KALRN: variants seen among roughly 807,000 people sequenced by gnomAD.
KALRN encodes kalirin RhoGEF kinase.
Under a neutral mutation model 353.7 loss-of-function variants are expected in KALRN, and 70 were observed. The observed-to-expected ratio is 0.20, with a 90% CI of 0.16 to 0.24. KALRN has a LOEUF of 0.24. KALRN is among the 10% of genes least tolerant of loss of function. KALRN has a pLI of 1.00. For synonymous variants in KALRN, 1,391 were observed against 1,434.8 expected (o/e 0.97, Z 0.69); for missense variants, 2,791 against 3,756.7 (o/e 0.74, Z 6.72).
intron 33 of KALRN, among the ~76,000 whole-genome samples, chr3:124,520,989 T>A (rs2067115830): frequency 6.6e-6 from 1 of 152,224 alleles, no homozygotes; most frequent in Non-Finnish European, 1.5e-5. Flanking sequence ...ATGGCCCAGG[T>A]GCCCAGCCTG....
intron 33 of KALRN, among the ~76,000 whole-genome samples, chr3:124,535,405 C>T (rs564080018): frequency 1.3e-5 from 2 of 152,230 alleles, no homozygotes; most frequent in South Asian, 4.2e-4. Context: ...ACCAGCTATA[C>T]TTAAGTTTTC....
chr3:124,293,055 G>T (rs536244804), intron 5 of KALRN, among the ~76,000 whole-genome samples: 5 of 152,154 alleles, frequency 3.3e-5, no homozygotes, highest in Non-Finnish European at 7.3e-5. Flanking sequence ...TTGACTGGGC[G>T]GCTAGTTTCC....
chr3:124,422,653 G>A (rs1055738791), intron 14 of KALRN, among the ~76,000 whole-genome samples, 159 bp from the exon 15 acceptor site: 4 of 152,164 alleles, frequency 2.6e-5, no homozygotes, highest in Middle Eastern at 3.2e-3. Flanking sequence ...CCCAAACAAG[G>A]GCGCATTGTG....
At chr3:124,238,899 A>G (rs781647832) in intron 3 of KALRN, among the ~76,000 whole-genome samples, 8 of 152,260 alleles carry the variant, frequency 5.3e-5, no homozygotes, top group Non-Finnish European at 1.0e-4. Context: ...CAGGTTTTCC[A>G]TCATCTTATT....
At position 124,455,367 on chromosome 3, in the gene KALRN, G is replaced by T; in HGVS notation, c.3735+8G>T. 6.2e-7 allele frequency: 1 copy of T among 1,613,202 alleles called. No individual in the cohort carries two copies. The highest frequency in any genetic ancestry group is 8.5e-7 in the Non-Finnish European group (1 of 1,179,370). ...CTAGGAGTCAACACAGAGGTAGGCA[G>T]GGGTATTGTCCTCTGGGACATCCTC... On this transcript the variant is annotated splice_region_variant and intron_variant, in intron 22 of 59. Coordinates refer to ENST00000682506, the MANE Select transcript of KALRN (RefSeq NM_001388419.1).
chr3:124,298,893 C>A lies in KALRN; in HGVS notation c.1072C>A (p.His358Asn). ...CCTTGACCTCCAGACGCAGCACAAT[C>A]ACTTTGCCATGAACTCCATGGTGAG... is the stretch of plus-strand genomic sequence containing the variant. ...YALDLQTQHN[H>N]FAMNSMNAYV... The change falls in exon 6 of 60, where the codon CAC (histidine) becomes AAC (asparagine). Residue 358 changes from histidine (H) to asparagine (N), a missense_variant. His to Asn is a moderately conservative substitution (Grantham distance 68). Coordinates refer to ENST00000682506, the MANE Select transcript of KALRN (RefSeq NM_001388419.1). 1 of 1,614,170 alleles carries A rather than the reference C, an allele frequency of 6.2e-7. No individual in the cohort carries two copies. Among genetic ancestry groups the A allele is most frequent in the Non-Finnish European group, 8.5e-7 (1 of 1,180,016 alleles).
rs1261974224 is a variant in KALRN, at chr3:124,628,491, CCCTTCCCTT to C, written c.5183-3906_5183-3898del. ...CTTCCTTCCCTTCCTTCCCTTCCCT[CCCTTCCCTT>C]CCTTCCCTTCCTTCCCTTCCTTTCC... On this transcript the variant is annotated intron_variant, in intron 34 of 59. Coordinates refer to ENST00000682506, the MANE Select transcript of KALRN (RefSeq NM_001388419.1). 1.0e-3 allele frequency among the ~76,000 whole-genome samples: 108 copies of C among 107,296 alleles called. 1 individual carries two copies. In the East Asian group the frequency reaches 0.018, roughly 18 times the overall value. The allele number at this position is 107,296 out of a possible 152,430, so 70.4% of individuals were successfully genotyped here.
chr3:124,259,144 GC>G (rs1344720457), intron 3 of KALRN, among the ~76,000 whole-genome samples: 1 of 152,214 alleles, frequency 6.6e-6, no homozygotes, highest in Non-Finnish European at 1.5e-5. Context: ...TCTAGCTGGA[GC>G]CTTCTGGGGA....
intron 20 of KALRN, 37 bp downstream of exon 20, chr3:124,446,313 G>C (rs1216517997): frequency 2.0e-6 from 3 of 1,489,868 alleles, no homozygotes; most frequent in Admixed American, 3.4e-5. Context: ...TCTCAGTTCT[G>C]GGGAGCATAC....
Position 124,719,645 on chromosome 3 carries a change from AC to A in KALRN, c.*178del. 1 of 632,158 alleles carries A rather than the reference AC, an allele frequency of 1.6e-6. No homozygotes were observed. Among genetic ancestry groups the A allele is most frequent in the Non-Finnish European group, 2.7e-6 (1 of 374,968 alleles). The allele number at this position is 632,158 out of a possible 1,614,324, so 39.2% of individuals were successfully genotyped here. ...CAGGGTCTGAGCAGCAGTAAAAGTC[AC>A]CCTAAATCAAGGGGCTTTTCAGAAG... On this transcript the variant is annotated 3_prime_UTR_variant, in exon 60 of 60. Transcript: ENST00000682506. This position sits in a 1 kb window ranked among gnomAD's most constrained non-coding sequence, Gnocchi z 5.3.
chr3:124,569,353 T>G (rs1311163924), intron 34 of KALRN, among the ~76,000 whole-genome samples: 3 of 152,158 alleles, frequency 2.0e-5, no homozygotes, highest in Admixed American at 2.0e-4. Flanking sequence ...TGGATAAAAC[T>G]TGGGCTCTGA....
intron 34 of KALRN, among the ~76,000 whole-genome samples, chr3:124,571,467 G>A (rs1022607515): frequency 2.8e-4 from 42 of 152,180 alleles, no homozygotes; most frequent in Admixed American, 2.5e-3. Context: ...TCTACTCTGA[G>A]ACTCTCTATA....
Position 124,434,949 on chromosome 3 carries a change from G to A in KALRN, c.3048+424G>A, listed in dbSNP as rs909891971. Reference sequence around the variant, plus strand: ...GCTGAACTTGGTAGAACTAGGCTTCGAGCTGCAGACTGGGTCTAGATCTGT... The same window carrying A: ...GCTGAACTTGGTAGAACTAGGCTTCAAGCTGCAGACTGGGTCTAGATCTGT... On this transcript the variant is annotated intron_variant, in intron 17 of 59. Coordinates refer to ENST00000682506, the MANE Select transcript of KALRN (RefSeq NM_001388419.1). 5.9e-5 allele frequency among the ~76,000 whole-genome samples: 9 copies of A among 152,188 alleles called. 1 individual carries two copies. Among genetic ancestry groups the A allele is most frequent in the Admixed American group, 3.3e-4 (5 of 15,274 alleles).
chr3:124,444,018 A>G (rs1164930484), intron 19 of KALRN, among the ~76,000 whole-genome samples: 2 of 152,192 alleles, frequency 1.3e-5, no homozygotes, highest in African/African-American at 2.4e-5. Flanking sequence ...CCAGTGCCAT[A>G]TATTTTTGGC....
intron 19 of KALRN, among the ~76,000 whole-genome samples, chr3:124,444,784 A>G (rs1294551499): frequency 6.9e-6 from 1 of 145,116 alleles, no homozygotes; most frequent in Non-Finnish European, 1.5e-5. Context: ...TGGGTGACAG[A>G]GCAAGACCCT....
chr3:124,650,370 C>T (rs142673133), intron 37 of KALRN, among the ~76,000 whole-genome samples: 293 of 152,310 alleles, frequency 1.9e-3, no homozygotes, highest in Non-Finnish European at 3.4e-3. Flanking sequence ...TTTTAGCTAT[C>T]TCACATAAAT....
At chr3:124,663,751 G>GTT (rs201621922) in intron 45 of KALRN, among the ~76,000 whole-genome samples, 1 of 151,368 alleles carries the variant, frequency 6.6e-6, no homozygotes, top group African/African-American at 2.4e-5. Flanking sequence ...TTTGTTTTTT[G>GTT]TTTTTTTTCT....
intron 6 of KALRN, among the ~76,000 whole-genome samples, chr3:124,317,650 G>T (rs1191381357): frequency 7.8e-6 from 1 of 128,152 alleles, no homozygotes; most frequent in Non-Finnish European, 1.6e-5. Context: ...CTGAAATACT[G>T]TATTTCTAAC....
intron 38 of KALRN, among the ~76,000 whole-genome samples, chr3:124,651,988 C>T (rs978800845): frequency 7.2e-5 from 11 of 152,124 alleles, no homozygotes; most frequent in Non-Finnish European, 1.5e-4. Context: ...AGCAGAGCTA[C>T]TGATGAGTCT....
Sources: gnomAD v4.1 joint callset for allele counts (sites outside exome capture counted in the v4.1 genomes callset) on GRCh38, gnomAD v4.1.1 for gene constraint, Gnocchi (gnomAD v3.1) non-coding constraint, MANE v1.5 for transcripts, NCBI Gene and HGNC (gene_info 2026-07-23, HGNC 2026-07-21) for gene names.